ZBTB16: variants seen among roughly 807,000 people sequenced by gnomAD.
The protein encoded by ZBTB16 is zinc finger and BTB domain containing 16, also known as zinc finger and BTB domain-containing protein 16.
Under a neutral mutation model 56.8 loss-of-function variants are expected in ZBTB16, and 8 were observed. The observed-to-expected ratio is 0.14, with a 90% CI of 0.08 to 0.25. ZBTB16 has a LOEUF of 0.25. Among genes scored for constraint, ZBTB16 ranks in the 10% least tolerant of loss-of-function variants. ZBTB16 has a pLI of 1.00. For missense variants in ZBTB16, 625 were observed against 903.0 expected (o/e 0.69, Z 3.95); for synonymous variants, 363 against 368.5 (o/e 0.98, Z 0.17).
At chr11:114,227,424 G>A (rs1008048275) in intron 4 of ZBTB16, among the ~76,000 whole-genome samples, 11 of 152,222 alleles carry the variant, frequency 7.2e-5, no homozygotes, top group African/African-American at 2.7e-4. Flanking sequence ...TTACAGAAGA[G>A]TTGAAGTCCA....
At chr11:114,104,698 A>G (rs1417159141) in intron 2 of ZBTB16, among the ~76,000 whole-genome samples, 2 of 152,258 alleles carry the variant, frequency 1.3e-5, no homozygotes, top group Non-Finnish European at 2.9e-5. Flanking sequence ...AACTCACCAC[A>G]GGACTCAGCC....
chr11:114,068,952 A>G (rs1939226896), intron 2 of ZBTB16, among the ~76,000 whole-genome samples: 1 of 152,176 alleles, frequency 6.6e-6, no homozygotes, highest in Non-Finnish European at 1.5e-5. Flanking sequence ...TGGCTCACGC[A>G]GCTTGGTCTT....
intron 4 of ZBTB16, among the ~76,000 whole-genome samples, chr11:114,198,319 C>T (rs1036648163): frequency 6.6e-6 from 1 of 152,146 alleles, no homozygotes; most frequent in Non-Finnish European, 1.5e-5. Context: ...CAGTCAGTGC[C>T]CCAGCATAGA....
chr11:114,209,245 G>A (rs774060801), intron 4 of ZBTB16: 24 of 361,656 alleles, frequency 6.6e-5, no homozygotes, highest in Non-Finnish European at 8.5e-5. Context: ...CTGCTTTGGG[G>A]TGCACTTATT....
Position 114,060,032 on chromosome 11 carries a change from C to G in ZBTB16, c.-91+150C>G, listed in dbSNP as rs1938757799. 1 of 378,528 alleles carries G rather than the reference C, an allele frequency of 2.6e-6. No individual in the cohort carries two copies. The highest frequency in any genetic ancestry group is 2.1e-5 in the African/African-American group (1 of 48,038). 23.4% of individuals were successfully genotyped at this position (378,528 alleles called of 1,614,324 possible). A position where few individuals can be genotyped will look rare whatever the true frequency, so the allele number is the denominator to read the frequency against. On this transcript the variant is annotated intron_variant, in intron 1 of 6. Coordinates refer to ENST00000335953, the MANE Select transcript of ZBTB16 (RefSeq NM_006006.6). The surrounding 1 kb of genome is among the most constrained non-coding windows in gnomAD (Gnocchi z 6.0). ...TTTTATTTGGCGTGTTCCCTTCCTG[C>G]CGCTGCAGCCGTCGCCGCCACCGGT...
intron 2 of ZBTB16, among the ~76,000 whole-genome samples, chr11:114,093,529 G>C (rs528832333): frequency 1.3e-5 from 2 of 152,298 alleles, no homozygotes; most frequent in African/African-American, 4.8e-5. Context: ...AGAAGCAACG[G>C]GACCCCTAGA....
chr11:114,212,940 A>T (rs1356214610), intron 4 of ZBTB16, among the ~76,000 whole-genome samples: 1 of 151,778 alleles, frequency 6.6e-6, no homozygotes, highest in East Asian at 1.9e-4. Context: ...CCCCTCCCTC[A>T]ACCTTCATCA....
intron 2 of ZBTB16, among the ~76,000 whole-genome samples, chr11:114,103,990 TCTC>T (rs1022456870): frequency 1.3e-5 from 2 of 152,176 alleles, no homozygotes; most frequent in Non-Finnish European, 2.9e-5. Context: ...TCTTCTCTCT[TCTC>T]ATCCTCCCTC....
chr11:114,148,475 CTTTCTT>C (rs1565652036), intron 2 of ZBTB16, among the ~76,000 whole-genome samples: 2 of 127,908 alleles, frequency 1.6e-5, no homozygotes, highest in Admixed American at 8.9e-5. Context: ...CTCTCTCTTT[CTTTCTT>C]TCTTTCTTTC....
rs1032091131 is a variant in ZBTB16 at position 114,251,662 on chromosome 11, T to C, written c.*1107T>C. On this transcript the variant is annotated 3_prime_UTR_variant, in exon 7 of 7. Coordinates refer to ENST00000335953, the MANE Select transcript of ZBTB16 (RefSeq NM_006006.6). The stretch of plus-strand genomic sequence containing the variant: ...TGAGTCACACTGGGGACCCCAGATG[T>C]AGTGAGCTCAGCAAGAAAAGCCAGG... Among the ~76,000 whole-genome samples the C allele has an allele frequency of 3.9e-5, 6 of 152,036 alleles. No homozygotes were observed. Among genetic ancestry groups the C allele is most frequent in the Non-Finnish European group, 1.5e-5 (1 of 68,018 alleles).
chr11:114,132,223 A>G (rs1230383560), intron 2 of ZBTB16, among the ~76,000 whole-genome samples: 1 of 152,170 alleles, frequency 6.6e-6, no homozygotes, highest in Admixed American at 6.5e-5. Context: ...TGGTGAATGC[A>G]TATGAGTAGT....
chr11:114,092,697 C>A (rs1940237311), intron 2 of ZBTB16, among the ~76,000 whole-genome samples: 1 of 152,160 alleles, frequency 6.6e-6, no homozygotes, highest in Non-Finnish European at 1.5e-5. Flanking sequence ...GAGGTGCTAG[C>A]CCATACCTAA....
intron 2 of ZBTB16, among the ~76,000 whole-genome samples, chr11:114,110,983 T>G (rs574507167): frequency 6.6e-6 from 1 of 152,244 alleles, no homozygotes; most frequent in Non-Finnish European, 1.5e-5. Context: ...CTCAAGAATT[T>G]GCATGGAACC....
chr11:114,117,386 T>C (rs1240451574), intron 2 of ZBTB16, among the ~76,000 whole-genome samples: 3 of 151,750 alleles, frequency 2.0e-5, no homozygotes, highest in Admixed American at 1.3e-4. Flanking sequence ...GAGCACAGCA[T>C]TGGGGATGGA....
Position 114,139,789 on chromosome 11 carries a change from G to A in ZBTB16, c.1269-16548G>A, listed in dbSNP as rs186824468. ...AACAGAGTGAGTGTCCGGAAGGCCC[G>A]TCACCCTGATATTCACGCAAAGAAT... On this transcript the variant is annotated intron_variant, in intron 2 of 6. Transcript: ENST00000335953. Among the ~76,000 whole-genome samples the A allele has an allele frequency of 4.6e-5, 7 of 152,244 alleles. No individual in the cohort carries two copies. The East Asian group carries it at 1.2e-3, about 25-fold the overall frequency.
intron 3 of ZBTB16, among the ~76,000 whole-genome samples, chr11:114,170,098 G>A (rs1415795722): frequency 6.6e-6 from 1 of 152,228 alleles, no homozygotes; most frequent in Non-Finnish European, 1.5e-5. Context: ...TGCCACTTCA[G>A]GGGGCCCCTC....
chr11:114,069,137 G>GT (rs1939234741), intron 2 of ZBTB16, among the ~76,000 whole-genome samples: 1 of 152,176 alleles, frequency 6.6e-6, no homozygotes, highest in South Asian at 2.1e-4. Context: ...CCAGGCTGGA[G>GT]TGCAGTGGCG....
At chr11:114,107,216 C>T (rs1337751437) in intron 2 of ZBTB16, among the ~76,000 whole-genome samples, 1 of 152,146 alleles carries the variant, frequency 6.6e-6, no homozygotes. Flanking sequence ...GGGTCATAGC[C>T]AGAATGAGAT....
Position 114,141,099 on chromosome 11 carries a change from C to G in ZBTB16, c.1269-15238C>G, listed in dbSNP as rs892284801. Reference sequence around the variant, plus strand: ...CTCGCCGCTGTCTTCACCACCTGCCCACTGTGGATAAGCCAGGCCAGCCTC... The same window carrying G: ...CTCGCCGCTGTCTTCACCACCTGCCGACTGTGGATAAGCCAGGCCAGCCTC... On this transcript the variant is annotated intron_variant, in intron 2 of 6. Transcript: ENST00000335953. 7.2e-5 allele frequency among the ~76,000 whole-genome samples: 11 copies of G among 152,210 alleles called. 1 individual carries two copies. The South Asian group carries it at 2.3e-3, about 32-fold the overall frequency.
Sources: allele counts gnomAD v4.1 joint callset (sites outside exome capture counted in the v4.1 genomes callset), GRCh38; gene constraint gnomAD v4.1.1; non-coding constraint Gnocchi (gnomAD v3.1); transcripts MANE v1.5; gene names NCBI Gene and HGNC (gene_info 2026-07-23, HGNC 2026-07-21).